GRID2: variants seen among roughly 807,000 people sequenced by gnomAD.
GRID2 encodes glutamate ionotropic receptor delta type subunit 2.
Under a neutral mutation model 114.8 loss-of-function variants are expected in GRID2, and 33 were observed. That is an observed-to-expected ratio of 0.29 (90% CI 0.22 to 0.38). The LOEUF is 0.38. GRID2 is among the 10% of genes least tolerant of loss of function. The pLI, the probability that GRID2 is intolerant of heterozygous loss-of-function variation, is 1.00. For missense variants in GRID2, 1,184 were observed against 1,257.7 expected (o/e 0.94, Z 0.89); for synonymous variants, 505 against 449.9 (o/e 1.12, Z -1.55).
At chr4:92,618,640 T>C (rs1398106835) in intron 2 of GRID2, among the ~76,000 whole-genome samples, 1 of 151,776 alleles carries the variant, frequency 6.6e-6, no homozygotes, top group African/African-American at 2.4e-5. Flanking sequence ...AAGTATGGGA[T>C]GCTTTTCCAT....
At chr4:93,382,321 C>G (rs1763929962) in intron 8 of GRID2, among the ~76,000 whole-genome samples, 1 of 151,708 alleles carries the variant, frequency 6.6e-6, no homozygotes, top group African/African-American at 2.4e-5. Flanking sequence ...CTTCAAATAT[C>G]CTCTCTTCTT....
At chr4:93,323,321 T>C (rs1757448412) in intron 8 of GRID2, among the ~76,000 whole-genome samples, 2 of 152,222 alleles carry the variant, frequency 1.3e-5, no homozygotes, top group Admixed American at 6.5e-5. Context: ...CCCCATTTTT[T>C]ATTTTTGTCA....
intron 2 of GRID2, among the ~76,000 whole-genome samples, chr4:92,950,351 A>G (rs905439305): frequency 6.6e-6 from 1 of 152,168 alleles, no homozygotes; most frequent in Non-Finnish European, 1.5e-5. Flanking sequence ...GTGTGTTTCT[A>G]CTGGCAAAGA....
At chr4:92,864,511 C>G (rs1179588912) in intron 2 of GRID2, among the ~76,000 whole-genome samples, 1 of 152,148 alleles carries the variant, frequency 6.6e-6, no homozygotes, top group Non-Finnish European at 1.5e-5. Flanking sequence ...GCATCAAGGC[C>G]TTGATTTCTT....
At chr4:93,514,460 C>CACACACACACACAA (rs1037610536) in intron 12 of GRID2, among the ~76,000 whole-genome samples, 14 of 149,918 alleles carry the variant, frequency 9.3e-5, no homozygotes, top group African/African-American at 3.2e-4. Flanking sequence ...CACACACACA[C>CACACACACACACAA]AATGCTAAAG....
intron 2 of GRID2, among the ~76,000 whole-genome samples, chr4:92,932,465 T>C (rs553271012): frequency 2.6e-5 from 4 of 151,416 alleles, no homozygotes; most frequent in African/African-American, 9.6e-5. Flanking sequence ...CACCACGTTT[T>C]GTGGTAGGAA....
At chr4:93,461,410 T>G (rs1323005402) in intron 11 of GRID2, among the ~76,000 whole-genome samples, 1 of 152,076 alleles carries the variant, frequency 6.6e-6, no homozygotes, top group East Asian at 1.9e-4. Flanking sequence ...CTGGTGATAT[T>G]TCCAATAAAA....
At chr4:93,676,247 T>C (rs1724842869) in intron 14 of GRID2, among the ~76,000 whole-genome samples, 1 of 152,204 alleles carries the variant, frequency 6.6e-6, no homozygotes, top group South Asian at 2.1e-4. Flanking sequence ...TGGAGAAATG[T>C]TTTGGGTAAA....
chr4:93,562,185 G>T (rs1734988061), intron 13 of GRID2, among the ~76,000 whole-genome samples: 1 of 143,798 alleles, frequency 7.0e-6, no homozygotes, highest in Admixed American at 6.9e-5. Context: ...TCAGCATTTG[G>T]TTTTGTCAGA....
At chr4:93,328,990 C>T (rs1258569139) in intron 8 of GRID2, among the ~76,000 whole-genome samples, 5 of 152,180 alleles carry the variant, frequency 3.3e-5, no homozygotes, top group African/African-American at 1.2e-4. Context: ...GTTTTAGTAC[C>T]TACTATAGTC....
intron 8 of GRID2, among the ~76,000 whole-genome samples, chr4:93,262,281 C>G (rs891642292): frequency 9.9e-5 from 15 of 151,924 alleles, no homozygotes; most frequent in Admixed American, 9.2e-4. Context: ...CTTTCTAAAG[C>G]AGTGCCTCAC....
intron 14 of GRID2, among the ~76,000 whole-genome samples, chr4:93,636,301 GA>G (rs1721404219): frequency 6.6e-6 from 1 of 152,062 alleles, no homozygotes; most frequent in Admixed American, 6.6e-5. Context: ...TGTTTATTCA[GA>G]AACCCATTGG....
intron 13 of GRID2, among the ~76,000 whole-genome samples, chr4:93,562,148 A>G (rs1160905579): frequency 6.6e-6 from 1 of 152,006 alleles, no homozygotes; most frequent in Non-Finnish European, 1.5e-5. Context: ...CCAGCCATGA[A>G]TGAGTGTCTA....
intron 4 of GRID2, among the ~76,000 whole-genome samples, chr4:93,185,359 G>T (rs1024218563): frequency 3.9e-5 from 6 of 152,124 alleles, no homozygotes; most frequent in African/African-American, 1.4e-4. Context: ...CCCTGGGAAT[G>T]TCATTGATCC....
At chr4:92,941,185 A>T (rs1332077093) in intron 2 of GRID2, among the ~76,000 whole-genome samples, 17 of 152,142 alleles carry the variant, frequency 1.1e-4, no homozygotes, top group Admixed American at 1.0e-3. Flanking sequence ...TCGGCTGTGA[A>T]TCCCTCTGGT....
At chr4:93,538,035 T>G (rs1011468052) in intron 13 of GRID2, among the ~76,000 whole-genome samples, 6 of 151,884 alleles carry the variant, frequency 4.0e-5, no homozygotes, top group African/African-American at 1.4e-4. Context: ...CATAAAAAAT[T>G]TCAGGAATTA....
chr4:93,369,433 T>G (rs1414398777), intron 8 of GRID2, among the ~76,000 whole-genome samples: 2 of 152,200 alleles, frequency 1.3e-5, no homozygotes, highest in Non-Finnish European at 2.9e-5. Context: ...ATTTAATATC[T>G]CTGGGTGACC....
intron 8 of GRID2, among the ~76,000 whole-genome samples, chr4:93,328,625 A>G (rs1313073422): frequency 6.6e-6 from 1 of 152,054 alleles, no homozygotes; most frequent in African/African-American, 2.4e-5. Context: ...AAATTTCATG[A>G]GAACAAAGTT....
chr4:93,146,167 G>C (rs1208288705), intron 4 of GRID2, among the ~76,000 whole-genome samples: 1 of 151,948 alleles, frequency 6.6e-6, no homozygotes, highest in African/African-American at 2.4e-5. Flanking sequence ...CCCTATGTCA[G>C]GGAAACCACC....
Sources: allele counts gnomAD v4.1 joint callset (sites outside exome capture counted in the v4.1 genomes callset), GRCh38; gene constraint gnomAD v4.1.1; transcripts MANE v1.5; gene names NCBI Gene and HGNC (gene_info 2026-07-23, HGNC 2026-07-21).